DNAJC6: variants seen among roughly 807,000 people sequenced by gnomAD.
DNAJC6 encodes DnaJ heat shock protein family (Hsp40) member C6.
DNAJC6 carries 34 observed loss-of-function variants against 110.0 expected under a neutral mutation model. The ratio of observed to expected loss-of-function variants is 0.31; its 90% CI spans 0.24 to 0.41. DNAJC6 has a LOEUF of 0.41. DNAJC6 is among the 10% of genes least tolerant of loss of function. DNAJC6 has a pLI of 1.00. For synonymous variants in DNAJC6, 406 were observed against 437.2 expected, an observed-to-expected ratio of 0.93 and a Z score of 0.89; for missense variants, 1,031 against 1,207.8, an observed-to-expected ratio of 0.85 and a Z score of 2.17.
rs769033715 is a variant in DNAJC6, at chr1:65,383,405, G to A, written c.667-788G>A. ...CCTCCTGAGCTTAGGCAATCTGCTC[G>A]CCTTGGCCTCTCAAAGTGCTGGGAT... On this transcript the variant is annotated intron_variant, in intron 5 of 18. Coordinates refer to ENST00000371069, the MANE Select transcript of DNAJC6 (RefSeq NM_001256864.2). 9.2e-5 allele frequency among the ~76,000 whole-genome samples: 14 copies of A among 152,108 alleles called. No homozygotes were observed. The East Asian group carries it at 9.6e-4, about 10-fold the overall frequency.
At chr1:65,361,121 A>G (rs1336994832) in intron 1 of DNAJC6, among the ~76,000 whole-genome samples, 4 of 152,088 alleles carry the variant, frequency 2.6e-5, no homozygotes, top group African/African-American at 9.7e-5. Context: ...CTCTTTGGTG[A>G]GTTACTTTCC....
chr1:65,296,814 C>T (rs1002818783), intron 1 of DNAJC6, among the ~76,000 whole-genome samples: 1 of 151,986 alleles, frequency 6.6e-6, no homozygotes, highest in African/African-American at 2.4e-5. Context: ...TCTTGAACTC[C>T]TGACCTCGTG....
rs200704527 is a variant in DNAJC6, at chr1:65,298,041, A to G, written c.-131+33109A>G. 5.5e-4 allele frequency among the ~76,000 whole-genome samples: 11 copies of G among 19,972 alleles called. No homozygotes were observed. In the Admixed American group the frequency reaches 7.4e-3, roughly 13 times the overall value. The allele number at this position is 19,972 out of a possible 152,430, so 13.1% of individuals were successfully genotyped here. ...CCCCCTACGTGCCAAATCATCCTTTAAAAAAAACCCTAGTGTCTGAATTTT... is the reference window on the plus strand; with the variant it reads ...CCCCCTACGTGCCAAATCATCCTTTGAAAAAAACCCTAGTGTCTGAATTTT... On this transcript the variant is annotated intron_variant, in intron 1 of 19. Coordinates refer to the DNAJC6 transcript ENST00000263441.
At chr1:65,353,809 A>G (rs1393636028) in intron 1 of DNAJC6, among the ~76,000 whole-genome samples, 1 of 151,824 alleles carries the variant, frequency 6.6e-6, no homozygotes, top group African/African-American at 2.4e-5. Flanking sequence ...AGAAATCTCC[A>G]TCTTTTAGGC....
chr1:65,391,415 G>A (rs1490607822), intron 11 of DNAJC6, among the ~76,000 whole-genome samples: 1 of 152,140 alleles, frequency 6.6e-6, no homozygotes, highest in Non-Finnish European at 1.5e-5. Flanking sequence ...GGGCTTAGAA[G>A]GTCACTCCTT....
chr1:65,325,593 G>T (rs775530075), intron 1 of DNAJC6, among the ~76,000 whole-genome samples: 9 of 152,188 alleles, frequency 5.9e-5, no homozygotes, highest in Non-Finnish European at 1.0e-4. Flanking sequence ...AGGAATCTTG[G>T]AGCCTTATGG....
At chr1:65,277,847 G>GGTC (rs929622288) in intron 1 of DNAJC6, among the ~76,000 whole-genome samples, 3 of 152,154 alleles carry the variant, frequency 2.0e-5, no homozygotes, top group African/African-American at 7.2e-5. Flanking sequence ...GCAGTCTCCT[G>GGTC]GTCGAAGAGA....
intron 4 of DNAJC6, among the ~76,000 whole-genome samples, chr1:65,376,195 G>A (rs777412197): frequency 1.2e-4 from 19 of 152,110 alleles, no homozygotes; most frequent in African/African-American, 2.2e-4. Context: ...CATAGTAGCC[G>A]TCTCTTATGA....
At chr1:65,379,246 C>T (rs995494386) in intron 4 of DNAJC6, among the ~76,000 whole-genome samples, 156 bp from the exon 5 acceptor site, 1 of 152,052 alleles carries the variant, frequency 6.6e-6, no homozygotes, top group Non-Finnish European at 1.5e-5. Context: ...TGTTAAACAC[C>T]CTCTTCTTCA....
intron 1 of DNAJC6, among the ~76,000 whole-genome samples, chr1:65,266,110 C>G (rs1406455078): frequency 1.3e-5 from 2 of 152,230 alleles, no homozygotes; most frequent in Non-Finnish European, 2.9e-5. Flanking sequence ...GAGCTAAGTT[C>G]TTTGGGTGAG....
chr1:65,286,556 TTTTG>T (rs1166602591), intron 1 of DNAJC6, among the ~76,000 whole-genome samples: 1 of 152,164 alleles, frequency 6.6e-6, no homozygotes, highest in East Asian at 1.9e-4. Flanking sequence ...CAGTTATCCT[TTTTG>T]TTTGTTTGTT....
intron 11 of DNAJC6, 51 bp downstream of exon 11, chr1:65,389,678 T>G: frequency 1.3e-6 from 2 of 1,591,900 alleles, no homozygotes; most frequent in Non-Finnish European, 1.7e-6. Context: ...TATGTATTTC[T>G]TCTGTAAAGA....
chr1:65,339,866 G>C (rs1367770715), intron 1 of DNAJC6, among the ~76,000 whole-genome samples: 1 of 152,128 alleles, frequency 6.6e-6, no homozygotes, highest in Non-Finnish European at 1.5e-5. Context: ...GTGGAGATTT[G>C]AATGTTTCTG....
chr1:65,307,575 G>C (rs1344790513), upstream of DNAJC6, among the ~76,000 whole-genome samples: 1 of 152,040 alleles, frequency 6.6e-6, no homozygotes, highest in Non-Finnish European at 1.5e-5. Context: ...CACTGAGGCT[G>C]GTTCTAAATT....
upstream of DNAJC6, chr1:65,309,519 C>G: frequency 8.6e-7 from 1 of 1,167,932 alleles, no homozygotes; most frequent in South Asian, 2.4e-5. Context: ...GTCTCCTTCC[C>G]TCCCTCCCTC....
intron 1 of DNAJC6, among the ~76,000 whole-genome samples, chr1:65,270,166 A>G (rs527500762): frequency 1.3e-5 from 2 of 152,320 alleles, no homozygotes; most frequent in East Asian, 3.9e-4. Context: ...ATACAAGTGC[A>G]AGTAGCTACC....
chr1:65,382,374 C>T (rs1158476440), intron 5 of DNAJC6, among the ~76,000 whole-genome samples: 44 of 152,228 alleles, frequency 2.9e-4, no homozygotes, highest in Non-Finnish European at 4.4e-5. Flanking sequence ...AATGGATCAC[C>T]TTTCTCCTGG....
At chr1:65,345,213 G>A (rs963735378) in intron 1 of DNAJC6, among the ~76,000 whole-genome samples, 3 of 148,352 alleles carry the variant, frequency 2.0e-5, no homozygotes, top group Middle Eastern at 6.8e-3. Flanking sequence ...GACCATTTTT[G>A]TGCTTCTCTC....
At chr1:65,387,086 C>A (rs898866979) in intron 8 of DNAJC6, among the ~76,000 whole-genome samples, 157 bp downstream of exon 8, 3 of 152,184 alleles carry the variant, frequency 2.0e-5, no homozygotes, top group Non-Finnish European at 4.4e-5. Context: ...CTTCATCTTA[C>A]AGGGGAGGAA....
Sources: allele counts gnomAD v4.1 joint callset (sites outside exome capture counted in the v4.1 genomes callset), GRCh38; gene constraint gnomAD v4.1.1; transcripts MANE v1.5; gene names NCBI Gene and HGNC (gene_info 2026-07-23, HGNC 2026-07-21).